The following IPCEF1 variants were observed in gnomAD, a reference collection of about 807,000 sequenced individuals.
IPCEF1 encodes the protein interactor protein for cytohesin exchange factors 1.
In IPCEF1, 31 loss-of-function variants were observed where a neutral mutation model predicts 50.9. The observed-to-expected ratio is 0.61, with a 90% confidence interval of 0.46 to 0.82. The LOEUF (loss-of-function observed/expected upper bound fraction) is 0.82, where lower values mean the gene tolerates loss of function less well. Ranked by LOEUF, IPCEF1 falls within the 40% of genes least tolerant of loss-of-function variation. IPCEF1 has a pLI of 0.00. For missense variants in IPCEF1, 458 were observed against 514.0 expected, an observed-to-expected ratio of 0.89 and a Z score of 1.05; for synonymous variants, 181 against 192.0, an observed-to-expected ratio of 0.94 and a Z score of 0.47.
intron 5 of IPCEF1, among the ~76,000 whole-genome samples, chr6:154,234,947 A>G (rs1487352616): frequency 6.6e-6 from 1 of 152,188 alleles, no homozygotes; most frequent in Non-Finnish European, 1.5e-5. Context: ...TCTCTGCCCT[A>G]TTCTTTCGGA....
chr6:154,244,804 G>A (rs1356026951), intron 5 of IPCEF1, among the ~76,000 whole-genome samples: 4 of 152,134 alleles, frequency 2.6e-5, no homozygotes, highest in Admixed American at 6.5e-5. Context: ...TTTGATTCCC[G>A]GAGAAGATGA....
chr6:154,289,321 A>G (rs1178587028), intron 2 of IPCEF1, among the ~76,000 whole-genome samples: 1 of 151,834 alleles, frequency 6.6e-6, no homozygotes, highest in Non-Finnish European at 1.5e-5. Flanking sequence ...TAAATCAGTA[A>G]GTACTCCATT....
chr6:154,193,885 C>A (rs1338359272), intron 10 of IPCEF1, among the ~76,000 whole-genome samples: 1 of 152,132 alleles, frequency 6.6e-6, no homozygotes, highest in African/African-American at 2.4e-5. Flanking sequence ...ACAAAAAGTG[C>A]TCAAAAAACT....
intron 1 of IPCEF1, among the ~76,000 whole-genome samples, chr6:154,322,138 C>A (rs1018346076): frequency 6.6e-6 from 1 of 151,772 alleles, no homozygotes; most frequent in East Asian, 1.9e-4. Context: ...CACCAAACTT[C>A]GAAAACATTT....
intron 2 of IPCEF1, among the ~76,000 whole-genome samples, chr6:154,279,767 A>G (rs1187603846): frequency 6.6e-6 from 1 of 152,242 alleles, no homozygotes; most frequent in Non-Finnish European, 1.5e-5. Context: ...TACATATAAC[A>G]TGCATGAGGC....
At chr6:154,320,525 T>G (rs1278017898) in intron 1 of IPCEF1, among the ~76,000 whole-genome samples, 1 of 152,200 alleles carries the variant, frequency 6.6e-6, no homozygotes, top group Non-Finnish European at 1.5e-5. Context: ...ACCTTAATAT[T>G]CTTAATTCCT....
intron 3 of IPCEF1, among the ~76,000 whole-genome samples, chr6:154,252,788 G>A (rs1323706264): frequency 1.3e-5 from 2 of 152,208 alleles, no homozygotes; most frequent in African/African-American, 4.8e-5. Flanking sequence ...GTTGAGAGAT[G>A]AGTGGGAATT....
chr6:154,262,840 A>G (rs9397185), intron 3 of IPCEF1, among the ~76,000 whole-genome samples: 140,826 of 147,966 alleles, frequency 0.95, 67,035 homozygotes, highest in East Asian at 1. Context: ...GCAGTGATGC[A>G]ATCTCAGCTC....
intron 1 of IPCEF1, among the ~76,000 whole-genome samples, chr6:154,293,117 A>C (rs1162584657): frequency 6.6e-6 from 1 of 152,238 alleles, no homozygotes; most frequent in Non-Finnish European, 1.5e-5. Flanking sequence ...CAAGTCAAGA[A>C]AAGTTTGGGA....
intron 7 of IPCEF1, among the ~76,000 whole-genome samples, chr6:154,219,602 C>G (rs1038553763): frequency 6.6e-6 from 1 of 151,978 alleles, no homozygotes; most frequent in Non-Finnish European, 1.5e-5. Flanking sequence ...ACAGCAAGGG[C>G]TTTGCTAACC....
chr6:154,260,327 A>G (rs1781564678), intron 3 of IPCEF1, among the ~76,000 whole-genome samples: 1 of 152,174 alleles, frequency 6.6e-6, no homozygotes, highest in Non-Finnish European at 1.5e-5. Flanking sequence ...TTCAGGGAAA[A>G]CATTTTAGGA....
chr6:154,265,051 T>C (rs1175547542), intron 3 of IPCEF1, among the ~76,000 whole-genome samples: 1 of 152,196 alleles, frequency 6.6e-6, no homozygotes, highest in Non-Finnish European at 1.5e-5. Context: ...ACATCCATCA[T>C]GAGGTCATTA....
Position 154,212,760 on chromosome 6 carries a change from C to T in IPCEF1, c.537+10G>A, listed in dbSNP as rs374919109. 4.0e-5 allele frequency: 63 copies of T among 1,576,794 alleles called. No individual in the cohort carries two copies. The East Asian group carries it at 4.0e-4, about 10-fold the overall frequency. ...TCGATGACCAACAGACTACTTATGT[C>T]GGTACATACCAAAGACTGAGTCTGG... On this transcript the variant is annotated intron_variant, in intron 9 of 11. Coordinates refer to ENST00000367220, the MANE Select transcript of IPCEF1 (RefSeq NM_001130700.2).
chr6:154,275,821 T>C (rs979747413), intron 2 of IPCEF1, among the ~76,000 whole-genome samples: 1 of 152,168 alleles, frequency 6.6e-6, no homozygotes, highest in Non-Finnish European at 1.5e-5. Context: ...GTCAGCCGCT[T>C]GCACCCATTG....
At chr6:154,273,729 T>TTTTC (rs1562575011) in intron 2 of IPCEF1, among the ~76,000 whole-genome samples, 21 of 18,622 alleles carry the variant, frequency 1.1e-3, no homozygotes, top group African/African-American at 4.1e-3. Context: ...TCTTTCTTTT[T>TTTTC]TTTTTTTTTT....
chr6:154,159,872 G>T lies in IPCEF1; in HGVS notation c.1273C>A (p.Leu425Ile). Residue 425 changes from leucine (L) to isoleucine (I), a missense_variant, in exon 12 of 12, where the codon CTC becomes ATC. By Grantham distance (5) the Leu-to-Ile change is conservative. Transcript: ENST00000367220. The stretch of plus-strand genomic sequence containing the variant: ...GAGGGAGAAGAAGGTGATTTCTTGA[G>T]TTCCTGGGGGGTGTCATCAGTGTCA... ...PDDTDDTPQE[L>I]KKSPSSPSVE... 1.9e-6 allele frequency: 3 copies of T among 1,612,818 alleles called. No homozygotes were observed. Among genetic ancestry groups the T allele is most frequent in the Non-Finnish European group, 1.7e-6 (2 of 1,179,740 alleles).
intron 2 of IPCEF1, among the ~76,000 whole-genome samples, chr6:154,278,246 C>A (rs1782114814): frequency 6.6e-6 from 1 of 150,966 alleles, no homozygotes; most frequent in Non-Finnish European, 1.5e-5. Flanking sequence ...GGCACCACTT[C>A]ATGGGATTTT....
In IPCEF1 at chr6:154,173,341, G is replaced by A. The variant is rs200971154; in HGVS notation, c.911-5228C>T. Among the ~76,000 whole-genome samples, 17 of 152,286 alleles carry A rather than the reference G, an allele frequency of 1.1e-4. No homozygotes were observed. The East Asian group carries it at 3.3e-3, about 29-fold the overall frequency. On this transcript the variant is annotated intron_variant, in intron 10 of 11. Coordinates refer to ENST00000367220, the MANE Select transcript of IPCEF1 (RefSeq NM_001130700.2). ...GAATTTGATGAGTTGACAGAAGTAG[G>A]CTTCAGAAGGTGGGTAATAACAAAC...
chr6:154,313,873 A>G (rs539628680), intron 1 of IPCEF1, among the ~76,000 whole-genome samples: 1 of 152,116 alleles, frequency 6.6e-6, no homozygotes, highest in East Asian at 1.9e-4. Context: ...CCTCCCAAGT[A>G]GCTGAGACTA....
Sources: allele counts gnomAD v4.1 joint callset (sites outside exome capture counted in the v4.1 genomes callset), GRCh38; gene constraint gnomAD v4.1.1; transcripts MANE v1.5; gene names NCBI Gene and HGNC (gene_info 2026-07-23, HGNC 2026-07-21).